Variants in TECPR1 observed in about 807,000 individuals in gnomAD.
TECPR1 encodes the protein tectonin beta-propeller repeat containing 1, also known as tectonin beta-propeller repeat-containing protein 1.
TECPR1 carries 122 observed loss-of-function variants against 162.4 expected under a neutral mutation model. The ratio of observed to expected loss-of-function variants is 0.75; its 90% CI spans 0.65 to 0.87. TECPR1 has a LOEUF of 0.87. TECPR1 is among the 40% of genes least tolerant of loss of function. The probability of loss-of-function intolerance (pLI) is 0.00; values close to 1 mark genes in which losing one functional copy is unlikely to be tolerated. For synonymous variants in TECPR1, 642 were observed against 670.6 expected, an observed-to-expected ratio of 0.96 and a Z score of 0.66; for missense variants, 1,432 against 1,618.2, an observed-to-expected ratio of 0.88 and a Z score of 1.97.
rs773219601 is a variant in TECPR1, at chr7:98,241,148, G to A, written c.754C>T (p.Pro252Ser). ...PGEVVQISCGPHDLLWATLWE... is the reference protein window; with the variant it reads ...PGEVVQISCGSHDLLWATLWE... Reference sequence around the variant, plus strand: ...AGTGTGGCCCACAGGAGGTCGTGGGGCCCACAGCTGATCTGAACCACCTCC... The same window carrying A: ...AGTGTGGCCCACAGGAGGTCGTGGGACCCACAGCTGATCTGAACCACCTCC... The change falls in exon 7 of 26, where the codon CCC becomes TCC. Residue 252 changes from proline to serine, a missense_variant. Coordinates refer to ENST00000447648, the MANE Select transcript of TECPR1 (RefSeq NM_015395.3). This position sits in a 1 kb window ranked among gnomAD's most constrained non-coding sequence, Gnocchi z 5.0. 1.2e-6 allele frequency: 2 copies of A among 1,612,878 alleles called. No individual in the cohort carries two copies. The highest frequency in any genetic ancestry group is 2.7e-5 in the African/African-American group (2 of 75,054).
chr7:98,221,657 T>C lies in TECPR1; in HGVS notation c.3157+4A>G. 1 of 1,612,534 alleles carries C rather than the reference T, an allele frequency of 6.2e-7. No individual in the cohort carries two copies. Among genetic ancestry groups the C allele is most frequent in the Non-Finnish European group, 8.5e-7 (1 of 1,179,544 alleles). The stretch of plus-strand genomic sequence containing the variant: ...ATTAAAAATTTAAAAAAAGAGCAAC[T>C]TGCCATTCTCATCCAGGGCATACAC... On this transcript the variant is annotated splice_donor_region_variant and intron_variant, in intron 23 of 25. Transcript: ENST00000447648.
chr7:98,222,243 C>T (rs753133631), intron 22 of TECPR1, 143 bp downstream of exon 22: 70 of 1,235,860 alleles, frequency 5.7e-5, no homozygotes, highest in Non-Finnish European at 7.4e-5. Context: ...GACCACCTCC[C>T]AGTCAGTCCC....
chr7:98,236,739 C>A, intron 10 of TECPR1, 37 bp downstream of exon 10: 1 of 1,580,082 alleles, frequency 6.3e-7, no homozygotes. Flanking sequence ...CGGCCCATCC[C>A]AGCCTGACTC....
chr7:98,217,935 C>T lies in TECPR1; in HGVS notation c.3264+1G>A, dbSNP rs1798055722. The T allele has an allele frequency of 3.2e-6, 5 of 1,553,126 alleles. No individual in the cohort carries two copies. Among genetic ancestry groups the T allele is most frequent in the Non-Finnish European group, 4.4e-6 (5 of 1,148,310 alleles). On this transcript the variant is annotated splice_donor_variant, in intron 24 of 25. Transcript: ENST00000447648. LOFTEE classifies it high-confidence loss of function. ...GCCCGATACCCCCTGAGCACCCCCA[C>T]CTGGTCCAGGGGCCCCACGGACACT...
chr7:98,227,206 A>C (rs1798298182), intron 17 of TECPR1, among the ~76,000 whole-genome samples: 1 of 151,542 alleles, frequency 6.6e-6, no homozygotes, highest in South Asian at 2.1e-4. Flanking sequence ...AGTCGGACCA[A>C]CATGGTGAAA....
chr7:98,243,563 C>A lies in TECPR1; in HGVS notation c.561G>T (p.Leu187=). The change falls in exon 6 of 26, where the codon CTG becomes CTT. Residue 187 remains leucine, a synonymous_variant. Coordinates refer to ENST00000447648, the MANE Select transcript of TECPR1 (RefSeq NM_015395.3). The part of the protein sequence containing the change: ...KIPSKDDPKE[L]PDPFNDLSVG... ...CAGAGAGGTCGTTGAAGGGGTCGGG[C>A]AGCTCCTTGGGGTCATCCTTCGAGG... The A allele has an allele frequency of 6.2e-7, 1 of 1,612,570 alleles. No individual in the cohort carries two copies. The highest frequency in any genetic ancestry group is 8.5e-7 in the Non-Finnish European group (1 of 1,179,762).
At chr7:98,223,545 T>C (rs1584325172) in intron 20 of TECPR1, 117 bp downstream of exon 20, 3 of 1,097,538 alleles carry the variant, frequency 2.7e-6, no homozygotes, top group Non-Finnish European at 2.7e-6. Flanking sequence ...GCTTCTTCCC[T>C]TGGGACTGAG....
In TECPR1 at chr7:98,240,908, C is replaced by T; in HGVS notation, c.876G>A (p.Gly292=). 2 of 1,609,812 alleles carry T rather than the reference C, an allele frequency of 1.2e-6. No individual in the cohort carries two copies. The highest frequency in any genetic ancestry group is 1.7e-6 in the Non-Finnish European group (2 of 1,179,014). The change falls in exon 8 of 26, where the codon GGG becomes GGA. Residue 292 remains glycine (G), a synonymous_variant. Transcript: ENST00000447648. The stretch of plus-strand genomic sequence containing the variant: ...TGACTCCCACCGAGATGTGCATGAC[C>T]CCGTTTTCAGATCCAGGAGGCTCCA... ...SIVEPPGSEN[G]VMHISVGVSV...
At chr7:98,224,095 T>G (rs1257512768) in intron 19 of TECPR1, among the ~76,000 whole-genome samples, 1 of 152,092 alleles carries the variant, frequency 6.6e-6, no homozygotes, top group African/African-American at 2.4e-5. Flanking sequence ...AGAGCCCTTT[T>G]GGGGAGCAAG....
At chr7:98,238,639 C>T in intron 8 of TECPR1, 29 bp from the exon 9 acceptor site, 1 of 1,527,154 alleles carries the variant, frequency 6.5e-7, no homozygotes, top group Non-Finnish European at 8.9e-7. Flanking sequence ...AACATGCCTT[C>T]CTGGAGGGCC....
At position 98,238,537 on chromosome 7, in the gene TECPR1, G is replaced by A. The variant is rs375064994; in HGVS notation, c.1007C>T (p.Thr336Met). Residue 336 changes from threonine to methionine, a missense_variant, in exon 9 of 26, where the codon ACG becomes ATG. Thr to Met is a moderately conservative substitution (Grantham distance 81, BLOSUM62 -1). Coordinates refer to ENST00000447648, the MANE Select transcript of TECPR1 (RefSeq NM_015395.3). ...GTCGTTCATTCCCACGTTCACCATC[G>A]TCATCTCACCAACCATCTCAATCCA... ...TSWIEMVGEMTMVNVGMNDQV... is the reference protein window; with the variant it reads ...TSWIEMVGEMMMVNVGMNDQV... The A allele has an allele frequency of 3.2e-6, 5 of 1,571,170 alleles. No individual in the cohort carries two copies. The highest frequency in any genetic ancestry group is 1.7e-6 in the Non-Finnish European group (2 of 1,158,384).
rs1797983335 is a variant in TECPR1 at position 98,215,505 on chromosome 7, G to A, written c.*1885C>T. The A allele has an allele frequency of 6.6e-6, 1 of 152,234 alleles. No individual in the cohort carries two copies. The highest frequency in any genetic ancestry group is 2.4e-5 in the African/African-American group (1 of 41,446). 9.4% of individuals were successfully genotyped at this position (152,234 alleles called of 1,614,324 possible). ...TCAACGTATCGATAAAAAACACCAG[G>A]GCACGGACACTCCAGGGGAAATGCT... is the stretch of plus-strand genomic sequence containing the variant. On this transcript the variant is annotated 3_prime_UTR_variant, in exon 26 of 26. Transcript: ENST00000447648.
At chr7:98,226,416 A>G (rs1798280624) in intron 17 of TECPR1, 27 of 984,626 alleles carry the variant, frequency 2.7e-5, no homozygotes, top group Non-Finnish European at 3.0e-5. Context: ...GGCTGAGTAA[A>G]GTCAGATACA....
At chr7:98,239,932 T>C (rs1048851458) in intron 8 of TECPR1, among the ~76,000 whole-genome samples, 1 of 151,954 alleles carries the variant, frequency 6.6e-6, no homozygotes, top group Admixed American at 6.6e-5. Context: ...AACTCGGTGA[T>C]ACCCCATCTC....
At chr7:98,222,799 T>C (rs1798176544) in intron 21 of TECPR1, 191 bp downstream of exon 21, 1 of 848,972 alleles carries the variant, frequency 1.2e-6, no homozygotes, top group African/African-American at 1.7e-5. Flanking sequence ...AGTGTCCCCT[T>C]GGCCCACCTC....
chr7:98,244,500 G>A, intron 5 of TECPR1, 71 bp downstream of exon 5: 2 of 1,530,148 alleles, frequency 1.3e-6, no homozygotes, highest in Non-Finnish European at 1.8e-6. Flanking sequence ...TGGGGAAGGT[G>A]GAGAGGAGGC....
intron 19 of TECPR1, among the ~76,000 whole-genome samples, chr7:98,224,424 C>G (rs1046653976): frequency 5.3e-5 from 8 of 152,226 alleles, no homozygotes; most frequent in Non-Finnish European, 1.0e-4. Context: ...AGAGCTCACC[C>G]TGCTAAGGCT....
chr7:98,232,101 CT>C lies in TECPR1; in HGVS notation c.1819-143del, dbSNP rs1185334323. On this transcript the variant is annotated intron_variant, in intron 12 of 25. Transcript: ENST00000447648. This position sits in a 1 kb window ranked among gnomAD's most constrained non-coding sequence, Gnocchi z 4.6. ...CTCCCGGCTGTCAGCCCAGCTCCCC[CT>C]ATGCTAATGATAACAGTGACGCTGC... The C allele has an allele frequency of 3.4e-5, 28 of 824,966 alleles. No homozygotes were observed. The East Asian group carries it at 7.5e-4, about 22-fold the overall frequency. 51.1% of individuals were successfully genotyped at this position (824,966 alleles called of 1,614,324 possible).
chr7:98,240,723 TC>T, intron 8 of TECPR1, 127 bp downstream of exon 8: 1 of 834,126 alleles, frequency 1.2e-6, no homozygotes, highest in Non-Finnish European at 1.8e-6. Flanking sequence ...CCTGGGTTTT[TC>T]TTTTTTTTTA....
Sources: allele counts gnomAD v4.1 joint callset (sites outside exome capture counted in the v4.1 genomes callset), GRCh38; gene constraint gnomAD v4.1.1; non-coding constraint Gnocchi (gnomAD v3.1); transcripts MANE v1.5; gene names NCBI Gene and HGNC (gene_info 2026-07-23, HGNC 2026-07-21).